Variants in SNPH observed in about 807,000 individuals in gnomAD.
SNPH encodes the protein syntaphilin.
SNPH carries 10 observed loss-of-function variants against 36.8 expected under a neutral mutation model. The ratio of observed to expected loss-of-function variants is 0.27; its 90% CI spans 0.17 to 0.46. The LOEUF (loss-of-function observed/expected upper bound fraction) is 0.46, where lower values mean the gene tolerates loss of function less well. Among genes scored for constraint, SNPH ranks in the 20% least tolerant of loss-of-function variants. The probability of loss-of-function intolerance (pLI) is 1.00; values close to 1 mark genes in which losing one functional copy is unlikely to be tolerated. For missense variants in SNPH, 622 were observed against 744.0 expected (o/e 0.84, Z 1.91); for synonymous variants, 281 against 312.2 (o/e 0.90, Z 1.05).
chr20:1,298,753 C>T (rs1233136997), intron 5 of SNPH, among the ~76,000 whole-genome samples: 1 of 150,756 alleles, frequency 6.6e-6, no homozygotes, highest in Admixed American at 6.6e-5. Context: ...CCAGGCTTTC[C>T]AAGGCAGGAA....
intron 2 of SNPH, among the ~76,000 whole-genome samples, chr20:1,275,873 C>G (rs2088125485): frequency 6.6e-6 from 1 of 152,198 alleles, no homozygotes. Context: ...CCATTCCTTT[C>G]TACCTCAATT....
In SNPH at chr20:1,286,684, G is replaced by A. The variant is rs369579244; in HGVS notation, c.-492-8267G>A. On this transcript the variant is annotated intron_variant, in intron 2 of 6. Transcript: ENST00000381867. The stretch of plus-strand genomic sequence containing the variant: ...CTAGAAAATGTGGCAGTTGGGACTC[G>A]ATTGTCATGAAATGCCAGGAGAGCA... Among the ~76,000 whole-genome samples the A allele has an allele frequency of 2.8e-4, 43 of 152,332 alleles. 2 individuals carry two copies. The East Asian group carries it at 7.5e-3, about 27-fold the overall frequency.
Position 1,304,868 on chromosome 20 carries a change from C to T in SNPH, c.441-10C>T, listed in dbSNP as rs370884038. On this transcript the variant is annotated splice_polypyrimidine_tract_variant and intron_variant, in intron 6 of 6. Transcript: ENST00000381867. This position sits in a 1 kb window ranked among gnomAD's most constrained non-coding sequence, Gnocchi z 4.3. ...GGCAGTGAGCGTGTGTGTGTCTCCT[C>T]GGCTCGCAGGGACACAGAGATTGAT... The T allele has an allele frequency of 1.9e-4, 300 of 1,609,446 alleles. No homozygotes were observed. The highest frequency in any genetic ancestry group is 2.3e-4 in the Non-Finnish European group (270 of 1,177,946).
intron 2 of SNPH, among the ~76,000 whole-genome samples, chr20:1,288,992 A>G (rs1237004818): frequency 2.0e-5 from 3 of 152,076 alleles, no homozygotes; most frequent in Non-Finnish European, 4.4e-5. Flanking sequence ...GCTTTTATGG[A>G]AGTATGACCA....
At position 1,307,196 on chromosome 20, in the gene SNPH, G is replaced by C. The variant is rs1401204272; in HGVS notation, c.*1142G>C. The stretch of plus-strand genomic sequence containing the variant: ...AACCTCTCTGCCTCTGGAGGAGGGT[G>C]GGGTATTCTGGCAGGATGAATCGCA... On this transcript the variant is annotated 3_prime_UTR_variant, in exon 7 of 7. Coordinates refer to ENST00000381867, the MANE Select transcript of SNPH (RefSeq NM_001318234.2). 6.6e-6 allele frequency: 1 copy of C among 152,558 alleles called. No individual in the cohort carries two copies. The highest frequency in any genetic ancestry group is 1.5e-5 in the Non-Finnish European group (1 of 68,070). The allele number at this position is 152,558 out of a possible 1,614,324, so 9.5% of individuals were successfully genotyped here.
rs770060374 is a variant in SNPH at position 1,300,580 on chromosome 20, G to A, written c.309G>A (p.Thr103=). The A allele has an allele frequency of 1.1e-5, 18 of 1,613,810 alleles. No homozygotes were observed. Among genetic ancestry groups the A allele is most frequent in the Middle Eastern group, 1.7e-4 (1 of 6,042 alleles). ...CTTGCAGGCGCTCCATGAAATACACGCTGTGCAGTGACAACCATGGCATCA... is the reference window on the plus strand; with the variant it reads ...CTTGCAGGCGCTCCATGAAATACACACTGTGCAGTGACAACCATGGCATCA... The part of the protein sequence containing the change: ...SPTPRRSMKY[T]LCSDNHGIKP... The change falls in exon 6 of 7, where the codon ACG becomes ACA. Residue 103 remains threonine (T), a synonymous_variant. Coordinates refer to ENST00000381867, the MANE Select transcript of SNPH (RefSeq NM_001318234.2).
At chr20:1,277,476 TGTC>T (rs1377912966) in intron 2 of SNPH, among the ~76,000 whole-genome samples, 26 of 144,442 alleles carry the variant, frequency 1.8e-4, no homozygotes, top group African/African-American at 6.2e-4. Context: ...TGTGTGTGTC[TGTC>T]TGTGCCTGTG....
At chr20:1,293,758 C>G (rs1026663687) in intron 2 of SNPH, among the ~76,000 whole-genome samples, 1 of 152,152 alleles carries the variant, frequency 6.6e-6, no homozygotes, top group Non-Finnish European at 1.5e-5. Flanking sequence ...TACGCAGGTA[C>G]AAGTGCCACC....
At chr20:1,300,524 C>A in intron 5 of SNPH, 38 bp from the exon 6 acceptor site, 9 of 1,612,968 alleles carry the variant, frequency 5.6e-6, no homozygotes, top group Non-Finnish European at 7.6e-6. Flanking sequence ...CTTGCCTGAC[C>A]TCTTCCTCCC....
intron 2 of SNPH, among the ~76,000 whole-genome samples, chr20:1,289,848 A>T (rs192350409): frequency 6.6e-6 from 1 of 152,002 alleles, no homozygotes; most frequent in African/African-American, 2.4e-5. Context: ...AATTAAATAT[A>T]TATCACATGT....
At chr20:1,287,490 C>T (rs991579319) in intron 2 of SNPH, among the ~76,000 whole-genome samples, 1 of 152,128 alleles carries the variant, frequency 6.6e-6, no homozygotes, top group African/African-American at 2.4e-5. Context: ...GCCCCAAGCC[C>T]AGGCTCTGTC....
At chr20:1,303,545 T>A (rs1048614145) in intron 6 of SNPH, among the ~76,000 whole-genome samples, 2 of 152,192 alleles carry the variant, frequency 1.3e-5, no homozygotes, top group Non-Finnish European at 2.9e-5. Flanking sequence ...CTCCTGCCCC[T>A]CAGTACCTGT....
At chr20:1,297,666 C>T (rs1019896768) in intron 5 of SNPH, among the ~76,000 whole-genome samples, 15 of 152,318 alleles carry the variant, frequency 9.8e-5, no homozygotes, top group African/African-American at 3.4e-4. Flanking sequence ...GTGGAAAGGA[C>T]CAAAGCCCTT....
chr20:1,272,323 C>A (rs553180768), intron 2 of SNPH, among the ~76,000 whole-genome samples: 1 of 152,228 alleles, frequency 6.6e-6, no homozygotes, highest in East Asian at 1.9e-4. Context: ...GACTTTACAC[C>A]AAAATGAAAT....
At position 1,285,287 on chromosome 20, in the gene SNPH, T is replaced by A. The variant is rs2088272016; in HGVS notation, c.-492-9664T>A. On this transcript the variant is annotated intron_variant, in intron 2 of 6. Coordinates refer to ENST00000381867, the MANE Select transcript of SNPH (RefSeq NM_001318234.2). The surrounding 1 kb of genome is among the most constrained non-coding windows in gnomAD (Gnocchi z 4.9). ...GTGGCGGTGTCCTGAAATCCTGTTG[T>A]TTGGTAGACAATGACCGGTTTAGGG... 6.6e-6 allele frequency among the ~76,000 whole-genome samples: 1 copy of A among 152,224 alleles called. No individual in the cohort carries two copies. Among genetic ancestry groups the A allele is most frequent in the Non-Finnish European group, 1.5e-5 (1 of 68,042 alleles).
intron 2 of SNPH, among the ~76,000 whole-genome samples, chr20:1,268,018 G>A (rs2122218655): frequency 6.6e-6 from 1 of 152,360 alleles, no homozygotes; most frequent in South Asian, 2.1e-4. Context: ...TAGGCTGGGG[G>A]AAGAGAGGAA....
At position 1,266,784 on chromosome 20, in the gene SNPH, G is replaced by A. The variant is rs1193934607; in HGVS notation, c.-493+24G>A. 4.5e-6 allele frequency: 6 copies of A among 1,342,640 alleles called. No individual in the cohort carries two copies. Among genetic ancestry groups the A allele is most frequent in the Non-Finnish European group, 5.7e-6 (6 of 1,048,060 alleles). The allele number at this position is 1,342,640 out of a possible 1,614,324, so 83.2% of individuals were successfully genotyped here. On this transcript the variant is annotated intron_variant, in intron 2 of 6. Coordinates refer to ENST00000381867, the MANE Select transcript of SNPH (RefSeq NM_001318234.2). The surrounding 1 kb of genome is among the most constrained non-coding windows in gnomAD (Gnocchi z 6.0). ...AGGTGAGGAGGCCGCGGCGGAGCGG[G>A]GAGCTGGCCCTGCGCTGCACCGCGG...
intron 2 of SNPH, among the ~76,000 whole-genome samples, chr20:1,282,938 C>T (rs1206481062): frequency 1.3e-5 from 2 of 152,122 alleles, no homozygotes; most frequent in African/African-American, 4.8e-5. Context: ...CCCTAGGATG[C>T]CTGCTCTCGG....
intron 2 of SNPH, among the ~76,000 whole-genome samples, chr20:1,278,564 C>T (rs974196939): frequency 6.6e-5 from 10 of 152,154 alleles, no homozygotes; most frequent in African/African-American, 1.9e-4. Context: ...GTACAGATTA[C>T]TTCACATTTT....
Sources: gnomAD v4.1 joint callset for allele counts (sites outside exome capture counted in the v4.1 genomes callset) on GRCh38, gnomAD v4.1.1 for gene constraint, Gnocchi (gnomAD v3.1) non-coding constraint, MANE v1.5 for transcripts, NCBI Gene and HGNC (gene_info 2026-07-23, HGNC 2026-07-21) for gene names.